The following HELLS variants were observed in gnomAD, a reference collection of about 807,000 sequenced individuals.
HELLS encodes lymphoid-specific helicase.
In HELLS, 32 loss-of-function variants were observed where a neutral mutation model predicts 120.0. The ratio of observed to expected loss-of-function variants is 0.27; its 90% CI spans 0.20 to 0.36. The LOEUF (loss-of-function observed/expected upper bound fraction) is 0.36. Among genes scored for constraint, HELLS ranks in the 10% least tolerant of loss-of-function variants. HELLS has a pLI of 1.00. For synonymous variants in HELLS, 341 were observed against 323.4 expected (o/e 1.05, Z -0.58); for missense variants, 650 against 993.4 (o/e 0.65, Z 4.65).
intron 2 of HELLS, among the ~76,000 whole-genome samples, chr10:94,546,752 T>C (rs12248434): frequency 0.18 from 27,167 of 152,234 alleles, 2,690 homozygotes; most frequent in African/African-American, 0.26. Context: ...GCATTTCAGA[T>C]TGCTTGTTTA....
chr10:94,570,625 C>T (rs1385931592), intron 6 of HELLS: 1 of 151,904 alleles, frequency 6.6e-6, no homozygotes, highest in Non-Finnish European at 1.5e-5. Flanking sequence ...AGCCTGGTGA[C>T]AACTTTTTAG....
intron 2 of HELLS, among the ~76,000 whole-genome samples, chr10:94,549,611 T>C (rs1305667824): frequency 6.6e-6 from 1 of 152,086 alleles, no homozygotes; most frequent in African/African-American, 2.4e-5. Flanking sequence ...ATAAAAAATC[T>C]GGGATTGGTG....
At position 94,576,761 on chromosome 10, in the gene HELLS, A is replaced by C; in HGVS notation, c.988A>C (p.Ile330Leu). ...KGTLQIHPVV[I>L]TSFEIAMRDR... is the part of the protein sequence containing the mutation. ...GACTTTGCAGATTCATCCTGTGGTA[A>C]TCACGTCATTTGAAATAGCCATGAG... Residue 330 changes from isoleucine (I) to leucine (L), a missense_variant, in exon 10 of 22, where the codon ATC (isoleucine) becomes CTC (leucine). Around this residue, in one of 9 missense-constraint regions of HELLS, gnomAD observed 61 missense variants for 86.5 expected, o/e 0.71. Coordinates refer to ENST00000348459, the MANE Select transcript of HELLS (RefSeq NM_018063.5). 1 of 1,611,390 alleles carries C rather than the reference A, an allele frequency of 6.2e-7. No homozygotes were observed. Among genetic ancestry groups the C allele is most frequent in the Non-Finnish European group, 8.5e-7 (1 of 1,178,682 alleles).
chr10:94,590,758 T>C lies in HELLS; in HGVS notation c.1749T>C (p.Pro583=), dbSNP rs369470639. The change falls in exon 15 of 22, where the codon CCT becomes CCC. Residue 583 remains proline (P), a synonymous_variant. Transcript: ENST00000348459. ...ATTTGATTGAATATCCTATAGACCC[T>C]GTTACACAAGAATTTAAGGTGAATA... ...HPYLIEYPID[P]VTQEFKIDEE... is the part of the protein sequence containing the mutation. The C allele has an allele frequency of 3.2e-5, 49 of 1,533,746 alleles. No homozygotes were observed. Among genetic ancestry groups the C allele is most frequent in the Non-Finnish European group, 4.2e-5 (47 of 1,121,836 alleles).
intron 2 of HELLS, among the ~76,000 whole-genome samples, chr10:94,548,097 T>C (rs1842823515): frequency 6.6e-6 from 1 of 152,236 alleles, no homozygotes. Flanking sequence ...CATACTACTT[T>C]TTGATTCTTT....
intron 4 of HELLS, among the ~76,000 whole-genome samples, chr10:94,561,744 G>T (rs1294224224): frequency 6.6e-6 from 1 of 152,074 alleles, no homozygotes; most frequent in Admixed American, 6.5e-5. Flanking sequence ...TGGGATTATA[G>T]GTGTGAGCCA....
intron 12 of HELLS, among the ~76,000 whole-genome samples, chr10:94,585,599 G>T (rs368745601): frequency 1.3e-3 from 197 of 151,788 alleles, no homozygotes; most frequent in African/African-American, 4.6e-3. Flanking sequence ...GGCCAGGCTG[G>T]TCTTAAACTC....
chr10:94,550,295 T>G (rs566255092), intron 2 of HELLS, among the ~76,000 whole-genome samples: 23 of 152,082 alleles, frequency 1.5e-4, no homozygotes, highest in African/African-American at 5.3e-4. Flanking sequence ...TTTGTTTGTT[T>G]TGAGACGGAG....
rs1295201993 is a variant in HELLS, at chr10:94,601,944, A to G, written c.*322A>G. 1 of 169,976 alleles carries G rather than the reference A, an allele frequency of 5.9e-6. No homozygotes were observed. Among genetic ancestry groups the G allele is most frequent in the Non-Finnish European group, 1.3e-5 (1 of 79,846 alleles). The allele number at this position is 169,976 out of a possible 1,614,324, so 10.5% of individuals were successfully genotyped here. ...AATGTCTTTTTCCCTCCTTTCTTCT[A>G]GTAATGCAGTTCATGGGCTTTAGGT... On this transcript the variant is annotated 3_prime_UTR_variant, in exon 22 of 22. Transcript: ENST00000348459.
rs972133885 is a variant in HELLS, at chr10:94,593,278, T to C, written c.1972-221T>C. 3.1e-4 allele frequency among the ~76,000 whole-genome samples: 47 copies of C among 152,258 alleles called. 1 individual carries two copies. The highest frequency in any genetic ancestry group is 1.0e-3 in the African/African-American group (43 of 41,466). ...TTTTCTTATTTAAACATTGTTGTGATACATGGTTTTTAACAAAATTAAGAT... is the reference window on the plus strand; with the variant it reads ...TTTTCTTATTTAAACATTGTTGTGACACATGGTTTTTAACAAAATTAAGAT... On this transcript the variant is annotated intron_variant, in intron 17 of 21. Coordinates refer to ENST00000348459, the MANE Select transcript of HELLS (RefSeq NM_018063.5).
At chr10:94,605,006 C>T (rs1846112533), downstream of HELLS, among the ~76,000 whole-genome samples, 1 of 150,586 alleles carries the variant, frequency 6.6e-6, no homozygotes, top group African/African-American at 2.5e-5. Flanking sequence ...CTTCCTTTAC[C>T]ATACTCCTGG....
intron 12 of HELLS, among the ~76,000 whole-genome samples, chr10:94,586,179 G>C (rs2134093208): frequency 6.6e-6 from 1 of 151,820 alleles, no homozygotes; most frequent in East Asian, 1.9e-4. Flanking sequence ...GGAGTGCCGT[G>C]GTGCAATCTC....
At chr10:94,572,948 CTA>C (rs1400266420) in intron 7 of HELLS, among the ~76,000 whole-genome samples, 2 of 151,992 alleles carry the variant, frequency 1.3e-5, no homozygotes, top group Admixed American at 6.6e-5. Flanking sequence ...TCTTTGATAA[CTA>C]TGTTTTCTTT....
At chr10:94,598,129 A>C (rs1845832714) in intron 21 of HELLS, among the ~76,000 whole-genome samples, 1 of 152,108 alleles carries the variant, frequency 6.6e-6, no homozygotes, top group African/African-American at 2.4e-5. Flanking sequence ...TTATTTTACA[A>C]CATATTACTG....
intron 6 of HELLS, chr10:94,569,242 G>T (rs1310028874): frequency 6.6e-6 from 1 of 152,164 alleles, no homozygotes; most frequent in African/African-American, 2.4e-5. Flanking sequence ...GAGTGCAGTG[G>T]CATGATCTCG....
At chr10:94,556,466 A>G (rs548423554) in intron 3 of HELLS, among the ~76,000 whole-genome samples, 2 of 152,298 alleles carry the variant, frequency 1.3e-5, no homozygotes, top group East Asian at 1.9e-4. Context: ...TGTAATTGAC[A>G]TACACTAAAC....
Position 94,588,321 on chromosome 10 carries a change from A to C in HELLS, c.1419A>C (p.Ser473=). ...AAGTAGTCGTTTATGCTCCACTTTC[A>C]AAGAAGCAGGAGATCTTTTATACAG... The part of the protein sequence containing the change: ...KREVVVYAPL[S]KKQEIFYTAI... The change falls in exon 13 of 22, where the codon TCA becomes TCC. Residue 473 remains serine, a synonymous_variant. Coordinates refer to ENST00000348459, the MANE Select transcript of HELLS (RefSeq NM_018063.5). 6.2e-7 allele frequency: 1 copy of C among 1,612,772 alleles called. No homozygotes were observed. Among genetic ancestry groups the C allele is most frequent in the Non-Finnish European group, 8.5e-7 (1 of 1,179,096 alleles).
At chr10:94,573,253 C>T (rs1032582475) in intron 7 of HELLS, among the ~76,000 whole-genome samples, 17 of 152,122 alleles carry the variant, frequency 1.1e-4, no homozygotes, top group East Asian at 3.9e-4. Context: ...CCACCATGCC[C>T]GGCCTGTATG....
intron 11 of HELLS, among the ~76,000 whole-genome samples, chr10:94,581,789 G>T (rs979346222): frequency 1.1e-4 from 16 of 152,142 alleles, no homozygotes; most frequent in African/African-American, 3.9e-4. Context: ...TGTTACCTTT[G>T]TAAAACATTT....
Sources: allele counts gnomAD v4.1 joint callset (sites outside exome capture counted in the v4.1 genomes callset), GRCh38; gene constraint gnomAD v4.1.1; regional missense constraint gnomAD v4.1.1; transcripts MANE v1.5; gene names NCBI Gene and HGNC (gene_info 2026-07-23, HGNC 2026-07-21).